BACH2: variants seen among roughly 807,000 people sequenced by gnomAD.
BACH2 encodes transcription regulator protein BACH2.
Under a neutral mutation model 61.8 loss-of-function variants are expected in BACH2, and 5 were observed. The ratio of observed to expected loss-of-function variants is 0.08; its 90% CI spans 0.04 to 0.17. BACH2 has a LOEUF of 0.17. Ranked by LOEUF, BACH2 falls within the 10% of genes least tolerant of loss-of-function variation. The probability of loss-of-function intolerance (pLI) is 1.00; values close to 1 mark genes in which losing one functional copy is unlikely to be tolerated. For missense variants in BACH2, 824 were observed against 1,091.1 expected (o/e 0.76, Z 3.45); for synonymous variants, 446 against 440.1 (o/e 1.01, Z -0.17).
At chr6:90,224,610 T>G (rs1017550063) in intron 3 of BACH2, among the ~76,000 whole-genome samples, 47 of 152,078 alleles carry the variant, frequency 3.1e-4, no homozygotes, top group Non-Finnish European at 3.7e-4. Context: ...ATTTGGTAGG[T>G]AGCACATTTG....
intron 6 of BACH2, among the ~76,000 whole-genome samples, chr6:89,989,523 G>C (rs532562341): frequency 1.3e-4 from 20 of 152,246 alleles, no homozygotes; most frequent in African/African-American, 4.6e-4. Flanking sequence ...TGCTTAGGTG[G>C]TGGCCAGAAA....
chr6:90,042,442 C>T (rs1779581190), intron 5 of BACH2, among the ~76,000 whole-genome samples: 1 of 151,996 alleles, frequency 6.6e-6, no homozygotes. Context: ...TGGGCTCATC[C>T]ACTCACCTCG....
At chr6:90,050,860 C>T (rs988086763) in intron 5 of BACH2, among the ~76,000 whole-genome samples, 2 of 151,736 alleles carry the variant, frequency 1.3e-5, no homozygotes, top group Admixed American at 6.6e-5. Flanking sequence ...ACCTCCATCT[C>T]CTGGGTTCAA....
At chr6:90,268,871 TAGATC>T (rs1433179605) in intron 2 of BACH2, among the ~76,000 whole-genome samples, 2 of 152,126 alleles carry the variant, frequency 1.3e-5, no homozygotes, top group African/African-American at 2.4e-5. Flanking sequence ...AGATACTAAA[TAGATC>T]AGAAGAAAGC....
chr6:89,939,049 C>T (rs893074811), intron 7 of BACH2, among the ~76,000 whole-genome samples: 2 of 152,206 alleles, frequency 1.3e-5, no homozygotes, highest in Admixed American at 6.5e-5. Context: ...TCCAATTTTA[C>T]AATGAAATGT....
chr6:90,152,115 T>G (rs1308127987), intron 4 of BACH2, among the ~76,000 whole-genome samples: 2 of 152,246 alleles, frequency 1.3e-5, no homozygotes, highest in African/African-American at 4.8e-5. Flanking sequence ...TTCAAATGGC[T>G]TTAGAATAAA....
intron 6 of BACH2, among the ~76,000 whole-genome samples, chr6:90,000,645 CAT>C (rs1282344201): frequency 6.6e-6 from 1 of 152,214 alleles, no homozygotes; most frequent in Non-Finnish European, 1.5e-5. Flanking sequence ...CTTGTACACT[CAT>C]ATTGAAATTG....
intron 5 of BACH2, among the ~76,000 whole-genome samples, chr6:90,014,378 A>G (rs1317680685): frequency 7.1e-6 from 1 of 141,360 alleles, no homozygotes; most frequent in African/African-American, 2.7e-5. Context: ...GTCTTTAACT[A>G]TAAATTCATT....
intron 4 of BACH2, among the ~76,000 whole-genome samples, chr6:90,097,781 T>C (rs2127810384): frequency 6.6e-6 from 1 of 152,348 alleles, no homozygotes; most frequent in South Asian, 2.1e-4. Context: ...AATACATTTT[T>C]AAAGTGAGTA....
At chr6:90,013,813 TTCTA>T (rs1388540247) in intron 5 of BACH2, among the ~76,000 whole-genome samples, 3 of 151,900 alleles carry the variant, frequency 2.0e-5, no homozygotes, top group East Asian at 3.9e-4. Context: ...CGGCCTCTTT[TTCTA>T]TCTTTCTTTC....
chr6:90,200,965 A>G (rs1330111883), intron 4 of BACH2, among the ~76,000 whole-genome samples: 1 of 152,212 alleles, frequency 6.6e-6, no homozygotes, highest in East Asian at 1.9e-4. Flanking sequence ...TTCTGTGTGC[A>G]TACTGTACCT....
chr6:90,181,435 G>A (rs1236107853), intron 4 of BACH2, among the ~76,000 whole-genome samples: 2 of 151,702 alleles, frequency 1.3e-5, no homozygotes, highest in Non-Finnish European at 2.9e-5. Flanking sequence ...GGAGGAGAGT[G>A]ATCCAGACAA....
chr6:90,166,093 A>G (rs1268722373), intron 4 of BACH2, among the ~76,000 whole-genome samples: 4 of 152,184 alleles, frequency 2.6e-5, no homozygotes, highest in East Asian at 3.8e-4. Flanking sequence ...TCTGCACAGC[A>G]AAAGAAACTA....
rs187223739 is a variant in BACH2 at position 89,967,829 on chromosome 6, T to G, written c.244-15967A>C. Among the ~76,000 whole-genome samples the G allele has an allele frequency of 1.8e-4, 28 of 152,302 alleles. No individual in the cohort carries two copies. The East Asian group carries it at 5.0e-3, about 27-fold the overall frequency. ...TGTTGATGCCATCTCTCCTCTCTCC[T>G]GCCCCTCCATGATCTCTCTGGATAG... is the stretch of plus-strand genomic sequence containing the variant. On this transcript the variant is annotated intron_variant, in intron 6 of 8. Transcript: ENST00000257749.
chr6:90,019,659 T>C (rs1326281861), intron 5 of BACH2, among the ~76,000 whole-genome samples: 1 of 152,222 alleles, frequency 6.6e-6, no homozygotes, highest in Non-Finnish European at 1.5e-5. Context: ...TTTTGTGCCG[T>C]TATATTGTTG....
At chr6:89,988,491 C>T (rs1181304376) in intron 6 of BACH2, among the ~76,000 whole-genome samples, 1 of 152,158 alleles carries the variant, frequency 6.6e-6, no homozygotes, top group South Asian at 2.1e-4. Context: ...CCTAAAATGG[C>T]AGGAGAAAAT....
chr6:90,047,983 C>A (rs1184358431), intron 5 of BACH2, among the ~76,000 whole-genome samples: 1 of 152,154 alleles, frequency 6.6e-6, no homozygotes, highest in Non-Finnish European at 1.5e-5. Flanking sequence ...GAGCACCTGT[C>A]TAGATGATAA....
intron 4 of BACH2, among the ~76,000 whole-genome samples, chr6:90,105,081 C>T (rs1387340283): frequency 6.6e-6 from 1 of 152,196 alleles, no homozygotes; most frequent in Non-Finnish European, 1.5e-5. Flanking sequence ...TGGAGCCCTA[C>T]AAATATTACA....
chr6:90,226,510 G>A lies in BACH2; in HGVS notation c.-274-19829C>T, dbSNP rs57023342. The stretch of plus-strand genomic sequence containing the variant: ...ACTGAACATGGAGTTGTGAAGAGAT[G>A]TGCATAAACGACTCACAATACTGAC... On this transcript the variant is annotated intron_variant, in intron 3 of 8. Transcript: ENST00000257749. Among the ~76,000 whole-genome samples the A allele has an allele frequency of 6.5e-3, 988 of 152,246 alleles. 11 individuals carry two copies. The highest frequency in any genetic ancestry group is 0.023 in the African/African-American group (943 of 41,556).
Sources: allele counts gnomAD v4.1 joint callset (sites outside exome capture counted in the v4.1 genomes callset), GRCh38; gene constraint gnomAD v4.1.1; transcripts MANE v1.5; gene names NCBI Gene and HGNC (gene_info 2026-07-23, HGNC 2026-07-21).